Variants in SP140L observed in about 807,000 individuals in gnomAD.
The protein encoded by SP140L is SP140 like nuclear body protein.
A neutral mutation model predicts 84.3 loss-of-function variants in SP140L; 64 were observed. The ratio of observed to expected loss-of-function variants is 0.76; its 90% CI spans 0.62 to 0.94. The LOEUF is 0.94. SP140L is among the 40% of genes least tolerant of loss of function. The probability of loss-of-function intolerance (pLI) is 0.00; values close to 1 mark genes in which losing one functional copy is unlikely to be tolerated. For missense variants in SP140L, 628 were observed against 692.5 expected (o/e 0.91, Z 1.05); for synonymous variants, 242 against 236.9 (o/e 1.02, Z -0.20).
Position 230,371,610 on chromosome 2 carries a change from T to C in SP140L, c.596T>C (p.Ile199Thr), listed in dbSNP as rs1426818996. 9 of 1,605,906 alleles carry C rather than the reference T, an allele frequency of 5.6e-6. No individual in the cohort carries two copies. ...QACGKMDTVD[I>T]ANNSTLGKPK... is the part of the protein sequence containing the mutation. ...TGTTATTTTCTAGATACTGTGGATA[T>C]TGCAAACAACTCTACTTTGGGAAAA... The change falls in exon 7 of 19, where the codon ATT becomes ACT. Residue 199 changes from isoleucine to threonine, a missense_variant. Around this residue, in one of 4 missense-constraint regions of SP140L, gnomAD observed 525 missense variants for 518.4 expected, o/e 1.01. Transcript: ENST00000415673.
At chr2:230,347,665 C>T (rs372897995) in intron 2 of SP140L, among the ~76,000 whole-genome samples, 191 of 152,166 alleles carry the variant, frequency 1.3e-3, no homozygotes, top group African/African-American at 4.4e-3. Context: ...GTGGCTGGCT[C>T]GATTACCTGC....
intron 2 of SP140L, among the ~76,000 whole-genome samples, chr2:230,330,667 C>T (rs943169690): frequency 5.1e-4 from 78 of 152,226 alleles, no homozygotes; most frequent in African/African-American, 1.8e-3. Flanking sequence ...AGGTCTTGTA[C>T]TTCTGCTAGA....
intron 7 of SP140L, among the ~76,000 whole-genome samples, chr2:230,378,897 G>T (rs1394829274): frequency 6.6e-6 from 1 of 152,142 alleles, no homozygotes; most frequent in Non-Finnish European, 1.5e-5. Context: ...ACACAAGGTT[G>T]TATATTTGCC....
At chr2:230,328,029 G>A (rs1233071778) in intron 1 of SP140L, among the ~76,000 whole-genome samples, 2 of 152,142 alleles carry the variant, frequency 1.3e-5, no homozygotes, top group Admixed American at 1.3e-4. Context: ...CTAGTAACGA[G>A]TTTATAAATA....
chr2:230,362,707 A>C (rs2060755604), intron 5 of SP140L, among the ~76,000 whole-genome samples: 1 of 152,316 alleles, frequency 6.6e-6, no homozygotes, highest in Non-Finnish European at 1.5e-5. Context: ...TGCAGATAAG[A>C]AACTGAAATC....
Position 230,402,949 on chromosome 2 carries a change from G to T in SP140L, c.*53G>T. ...AGGAAATATGCTACTGGTTGCCACT[G>T]ACTTCAAACTGAGAGCACTTGGGAA... On this transcript the variant is annotated 3_prime_UTR_variant, in exon 19 of 19. Coordinates refer to ENST00000415673, the MANE Select transcript of SP140L (RefSeq NM_138402.6). 6.9e-7 allele frequency: 1 copy of T among 1,459,384 alleles called. No homozygotes were observed. Among genetic ancestry groups the T allele is most frequent in the South Asian group, 1.2e-5 (1 of 80,516 alleles). The allele number at this position is 1,459,384 out of a possible 1,614,324, so 90.4% of individuals were successfully genotyped here.
chr2:230,349,854 C>T (rs928415206), intron 2 of SP140L, among the ~76,000 whole-genome samples: 7 of 151,946 alleles, frequency 4.6e-5, no homozygotes, highest in African/African-American at 1.7e-4. Flanking sequence ...ACTAAAAGTA[C>T]AAAAATTAGC....
rs570849230 is a variant in SP140L at position 230,360,101 on chromosome 2, C to T, written c.439+969C>T. 2.6e-4 allele frequency among the ~76,000 whole-genome samples: 40 copies of T among 152,316 alleles called. 1 individual carries two copies. Among genetic ancestry groups the T allele is most frequent in the African/African-American group, 9.4e-4 (39 of 41,566 alleles). On this transcript the variant is annotated intron_variant, in intron 4 of 18. Transcript: ENST00000415673. ...TTGCCTGGAAAACTTTTATTCTCCT[C>T]ACAGTTTGATCTCAACCCAGTTCTC...
At chr2:230,359,411 G>T (rs1244891276) in intron 4 of SP140L, among the ~76,000 whole-genome samples, 1 of 152,180 alleles carries the variant, frequency 6.6e-6, no homozygotes, top group Non-Finnish European at 1.5e-5. Flanking sequence ...GAACACCAAC[G>T]GGGCAGCATC....
intron 2 of SP140L, among the ~76,000 whole-genome samples, chr2:230,348,262 C>A (rs539271438): frequency 3.5e-4 from 54 of 152,228 alleles, no homozygotes; most frequent in Non-Finnish European, 4.0e-4. Context: ...GACTTGCATG[C>A]GAATATAGTA....
chr2:230,388,316 A>C (rs2061669837), intron 9 of SP140L, among the ~76,000 whole-genome samples: 1 of 152,224 alleles, frequency 6.6e-6, no homozygotes, highest in African/African-American at 2.4e-5. Context: ...TGTTTGAGTT[A>C]TATGTGAAAT....
Position 230,403,204 on chromosome 2 carries a change from T to C in SP140L, c.*308T>C. ...ACATTTATTACTCACAAGACCTTTT[T>C]CCTCCGTTTTTTTTTTGAGATGGAG... On this transcript the variant is annotated 3_prime_UTR_variant, in exon 19 of 19. Transcript: ENST00000415673. 4.3e-6 allele frequency: 1 copy of C among 234,306 alleles called. No homozygotes were observed. Among genetic ancestry groups the C allele is most frequent in the Non-Finnish European group, 8.1e-6 (1 of 123,668 alleles). 14.5% of individuals were successfully genotyped at this position (234,306 alleles called of 1,614,324 possible). A position where few individuals can be genotyped will look rare whatever the true frequency, so the allele number is the denominator to read the frequency against.
At chr2:230,391,371 A>G (rs575135801) in intron 11 of SP140L, among the ~76,000 whole-genome samples, 1 of 152,132 alleles carries the variant, frequency 6.6e-6, no homozygotes, top group Non-Finnish European at 1.5e-5. Flanking sequence ...CTACACACTC[A>G]CCAACACTTG....
At chr2:230,380,614 T>C (rs984493864) in intron 7 of SP140L, among the ~76,000 whole-genome samples, 2 of 152,182 alleles carry the variant, frequency 1.3e-5, no homozygotes, top group Non-Finnish European at 2.9e-5. Flanking sequence ...CTGGAAAGGT[T>C]CCTTATATCC....
At chr2:230,337,921 G>A (rs1575433856) in intron 2 of SP140L, among the ~76,000 whole-genome samples, 2 of 151,848 alleles carry the variant, frequency 1.3e-5, no homozygotes, top group South Asian at 4.2e-4. Flanking sequence ...TTTGAAGTCA[G>A]GTAGCATGAT....
intron 3 of SP140L, 101 bp downstream of exon 3, chr2:230,358,068 G>A: frequency 1.5e-6 from 2 of 1,371,458 alleles, no homozygotes; most frequent in Non-Finnish European, 2.0e-6. Context: ...GAGAAGCAGA[G>A]GTCACCAGAG....
chr2:230,393,595 T>C, intron 13 of SP140L, 134 bp downstream of exon 13: 1 of 1,081,358 alleles, frequency 9.2e-7, no homozygotes, highest in South Asian at 2.0e-5. Flanking sequence ...CATATAAATT[T>C]TTTTAATATA....
chr2:230,393,388 T>C (rs1318662677), intron 12 of SP140L, 26 bp from the exon 13 acceptor site: 2 of 1,575,416 alleles, frequency 1.3e-6, no homozygotes, highest in Admixed American at 1.9e-5. Flanking sequence ...AGGCTGACTA[T>C]GTACCTTGGT....
intron 5 of SP140L, among the ~76,000 whole-genome samples, chr2:230,366,598 G>T (rs1312436247): frequency 6.6e-6 from 1 of 151,222 alleles, no homozygotes; most frequent in Non-Finnish European, 1.5e-5. Context: ...TTTGATTGGA[G>T]AATTTAATCC....
Sources: gnomAD v4.1 joint callset for allele counts (sites outside exome capture counted in the v4.1 genomes callset) on GRCh38, gnomAD v4.1.1 for gene constraint, gnomAD v4.1.1 regional missense constraint, MANE v1.5 for transcripts, NCBI Gene and HGNC (gene_info 2026-07-23, HGNC 2026-07-21) for gene names.